The following LRWD1 variants were observed in gnomAD, a reference collection of about 807,000 sequenced individuals.
LRWD1 encodes the protein leucine-rich repeat and WD repeat-containing protein 1.
Under a neutral mutation model 75.6 loss-of-function variants are expected in LRWD1, and 76 were observed. The ratio of observed to expected loss-of-function variants is 1.01; its 90% CI spans 0.84 to 1.22. The LOEUF (loss-of-function observed/expected upper bound fraction) is 1.22, where lower values mean the gene tolerates loss of function less well. LRWD1 is among the 50% of genes most tolerant of loss of function. LRWD1 has a pLI of 0.00. For synonymous variants in LRWD1, 487 were observed against 377.0 expected (o/e 1.29, Z -3.38); for missense variants, 917 against 862.0 (o/e 1.06, Z -0.80).
chr7:102,467,171 G>GTGTGTATGTGT lies in LRWD1; in HGVS notation c.433-168_433-167insTGTGTATGTGT, dbSNP rs1554579596. ...TGGGTTGTTGCTGGGGTGTGTGTGG[G>GTGTGTATGTGT]GTGTGTGTGTGTGTGTGTGTGTGTG... On this transcript the variant is annotated intron_variant, in intron 3 of 14. Transcript: ENST00000292616. Among the ~76,000 whole-genome samples the GTGTGTATGTGT allele has an allele frequency of 1.6e-3, 162 of 99,146 alleles. 3 individuals are homozygous for GTGTGTATGTGT. Among genetic ancestry groups the GTGTGTATGTGT allele is most frequent in the African/African-American group, 6.8e-3 (155 of 22,810 alleles). 65.0% of individuals were successfully genotyped at this position (99,146 alleles called of 152,430 possible).
intron 6 of LRWD1, 26 bp from the exon 7 acceptor site, chr7:102,468,237 G>C (rs1277590453): frequency 6.3e-7 from 1 of 1,599,286 alleles, no homozygotes; most frequent in African/African-American, 1.3e-5. Flanking sequence ...GGGCTGGGCA[G>C]CTGTGACCCT....
chr7:102,472,777 G>T lies in LRWD1; in HGVS notation c.1776G>T (p.Leu592=). ...VSNILKQPPL[L]PAALQAPTQI... is the part of the protein sequence containing the mutation. Reference sequence around the variant, plus strand: ...ACATCCTGAAGCAGCCACCCCTGCTGCCGGCAGCCCTGCAGGCCCCCACAC... The same window carrying T: ...ACATCCTGAAGCAGCCACCCCTGCTTCCGGCAGCCCTGCAGGCCCCCACAC... Residue 592 remains leucine, a synonymous_variant, in exon 14 of 15, where the codon CTG becomes CTT. Transcript: ENST00000292616. 3 of 1,613,466 alleles carry T rather than the reference G, an allele frequency of 1.9e-6. No individual in the cohort carries two copies. The highest frequency in any genetic ancestry group is 2.5e-6 in the Non-Finnish European group (3 of 1,179,952).
chr7:102,472,995 C>G lies in LRWD1; in HGVS notation c.1890C>G (p.Thr630=), dbSNP rs777924052. 6 of 1,614,148 alleles carry G rather than the reference C, an allele frequency of 3.7e-6. No individual in the cohort carries two copies. In the South Asian group the frequency reaches 4.4e-5, roughly 12 times the overall value. Reference sequence around the variant, plus strand: ...CAGTGGTGGCCAATGCCTCCTTCACCTACCTCACCGCCCTGACGGACTCCA... The same window carrying G: ...CAGTGGTGGCCAATGCCTCCTTCACGTACCTCACCGCCCTGACGGACTCCA... ...VNTVVANASF[T]YLTALTDSNI... Residue 630 remains threonine, a synonymous_variant, in exon 15 of 15, where the codon ACC becomes ACG. Coordinates refer to ENST00000292616, the MANE Select transcript of LRWD1 (RefSeq NM_152892.3).
intron 11 of LRWD1, chr7:102,470,135 TGCTG>T (rs1798141725): frequency 4.1e-6 from 2 of 486,764 alleles, no homozygotes; most frequent in South Asian, 7.4e-5. Context: ...TTCAGCACCA[TGCTG>T]TGCCCACGTG....
rs754083319 is a variant in LRWD1 at position 102,465,041 on chromosome 7, G to T, written c.-40G>T. The T allele has an allele frequency of 1.6e-5, 23 of 1,443,500 alleles. No homozygotes were observed. The highest frequency in any genetic ancestry group is 2.1e-5 in the Non-Finnish European group (23 of 1,097,322). The allele number at this position is 1,443,500 out of a possible 1,614,324, so 89.4% of individuals were successfully genotyped here. ...AGACGCAGGGCGACGCCACACGCCG[G>T]GGTGGCCGACTGGGTCAGCGCGGGC... On this transcript the variant is annotated 5_prime_UTR_variant, in exon 1 of 15. Transcript: ENST00000292616.
chr7:102,468,401 G>T (rs1240277432), intron 7 of LRWD1, 24 bp downstream of exon 7: 1 of 1,576,702 alleles, frequency 6.3e-7, no homozygotes, highest in East Asian at 2.3e-5. Context: ...GGCAGGCGGG[G>T]CAAGGGCCGC....
intron 7 of LRWD1, 63 bp from the exon 8 acceptor site, chr7:102,468,491 T>C (rs1418329887): frequency 1.3e-6 from 2 of 1,543,782 alleles, no homozygotes; most frequent in Non-Finnish European, 1.8e-6. Flanking sequence ...AGGAGGAGGC[T>C]GCAGGGAGGA....
At chr7:102,469,697 C>G (rs755165453) in intron 10 of LRWD1, 45 bp from the exon 11 acceptor site, 1 of 1,613,538 alleles carries the variant, frequency 6.2e-7, no homozygotes, top group East Asian at 2.2e-5. Flanking sequence ...GGCAGGGACA[C>G]CTCGGTCTGG....
At chr7:102,467,620 C>T in intron 4 of LRWD1, 99 bp from the exon 5 acceptor site, 5 of 1,504,258 alleles carry the variant, frequency 3.3e-6, no homozygotes, top group Non-Finnish European at 4.5e-6. Context: ...AGAGGCCCTT[C>T]CCCAACTCTG....
rs760050828 is a variant in LRWD1, at chr7:102,473,071, C to A, written c.*22C>A. 3 of 1,599,068 alleles carry A rather than the reference C, an allele frequency of 1.9e-6. No homozygotes were observed. Among genetic ancestry groups the A allele is most frequent in the African/African-American group, 2.7e-5 (2 of 74,430 alleles). On this transcript the variant is annotated 3_prime_UTR_variant, in exon 15 of 15. Transcript: ENST00000292616. ...GTAGCCTCACACCATCGCAAAGGAC[C>A]AGGGACACAGCTAACTAACTTATTC... is the stretch of plus-strand genomic sequence containing the variant.
rs780129490 is a variant in LRWD1, at chr7:102,467,491, TC to T, written c.573+15del. On this transcript the variant is annotated intron_variant, in intron 4 of 14. Transcript: ENST00000292616. ...TCACCCAGTGGCGGGTATGTCCCTG[TC>T]CCAATGTGCAGGGAGTCACTGGCTC... The T allele has an allele frequency of 5.0e-6, 8 of 1,611,408 alleles. No individual in the cohort carries two copies. The highest frequency in any genetic ancestry group is 6.8e-6 in the Non-Finnish European group (8 of 1,179,680).
rs558910671 is a variant in LRWD1 at position 102,471,704 on chromosome 7, T to A, written c.1443-514T>A. 61 of 161,902 alleles carry A rather than the reference T, an allele frequency of 3.8e-4. No individual in the cohort carries two copies. In the South Asian group the frequency reaches 5.4e-3, roughly 14 times the overall value. The allele number at this position is 161,902 out of a possible 1,614,324, so 10.0% of individuals were successfully genotyped here. On this transcript the variant is annotated intron_variant, in intron 11 of 14. Coordinates refer to ENST00000292616, the MANE Select transcript of LRWD1 (RefSeq NM_152892.3). ...TCTCCAAGCAGACACTCCCACACAC[T>A]CTCAGCTCTGAACCATGCAGCAGCC... is the stretch of plus-strand genomic sequence containing the variant.
intron 11 of LRWD1, chr7:102,471,979 G>GA: frequency 2.0e-6 from 1 of 508,498 alleles, no homozygotes; most frequent in Non-Finnish European, 3.6e-6. Flanking sequence ...CCCCGTCCTG[G>GA]AAGAGCCACC....
In LRWD1 at chr7:102,466,915, G is replaced by A. The variant is rs117209806; in HGVS notation, c.433-424G>A. 6.9e-3 allele frequency among the ~76,000 whole-genome samples: 1,039 copies of A among 151,630 alleles called. 6 individuals are homozygous for A. The highest frequency in any genetic ancestry group is 0.011 in the Non-Finnish European group (721 of 67,916). ...CCCGCCTTAGCCTTCTGAATAGCTG[G>A]GGCTTTAGGCGCATGCCACCACGTC... On this transcript the variant is annotated intron_variant, in intron 3 of 14. Transcript: ENST00000292616.
chr7:102,472,152 C>T, intron 11 of LRWD1, 66 bp from the exon 12 acceptor site: 3 of 1,444,488 alleles, frequency 2.1e-6, no homozygotes, highest in Admixed American at 3.9e-5. Context: ...GCTGCAGATG[C>T]CTGGGTGAGT....
At chr7:102,472,827 C>G in intron 14 of LRWD1, 23 bp downstream of exon 14, 3 of 1,612,380 alleles carry the variant, frequency 1.9e-6, no homozygotes, top group Non-Finnish European at 1.7e-6. Context: ...TCACCCTGCC[C>G]AGGCTTGGGC....
rs777558045 is a variant in LRWD1 at position 102,472,687 on chromosome 7, G to A, written c.1691-5G>A. ...CCCACTCAGACTCCACCTCTGTCCC[G>A]GCAGATAAGGGGATTGTGCTCTGTG... is the stretch of plus-strand genomic sequence containing the variant. On this transcript the variant is annotated splice_region_variant and splice_polypyrimidine_tract_variant and intron_variant, in intron 13 of 14. Transcript: ENST00000292616. 47 of 1,613,298 alleles carry A rather than the reference G, an allele frequency of 2.9e-5. No homozygotes were observed. Among genetic ancestry groups the A allele is most frequent in the East Asian group, 4.5e-5 (2 of 44,888 alleles).
chr7:102,467,070 G>GGTGTGTGTGTGTGTGT (rs59522694), intron 3 of LRWD1, among the ~76,000 whole-genome samples: 17 of 133,504 alleles, frequency 1.3e-4, no homozygotes, highest in Non-Finnish European at 1.4e-4. Flanking sequence ...GGTTGTTGCT[G>GGTGTGTGTGTGTGTGT]GTGTGTGTGT....
intron 3 of LRWD1, 28 bp from the exon 4 acceptor site, chr7:102,467,311 G>A (rs369279613): frequency 2.0e-5 from 32 of 1,576,426 alleles, no homozygotes; most frequent in South Asian, 4.6e-5. Context: ...GGGTGGGCCG[G>A]GCCTGGATCT....
Sources: gnomAD v4.1 joint callset for allele counts (sites outside exome capture counted in the v4.1 genomes callset) on GRCh38, gnomAD v4.1.1 for gene constraint, MANE v1.5 for transcripts, NCBI Gene and HGNC (gene_info 2026-07-23, HGNC 2026-07-21) for gene names.